The following PWWP3A variants were observed in gnomAD, a reference collection of about 807,000 sequenced individuals.
PWWP3A encodes the protein PWWP domain containing 3A, DNA repair factor, also known as PWWP domain-containing DNA repair factor 3A.
Under a neutral mutation model 79.0 loss-of-function variants are expected in PWWP3A, and 53 were observed. That is an observed-to-expected ratio of 0.67 (90% confidence interval 0.54 to 0.84). PWWP3A has a LOEUF of 0.84. Ranked by LOEUF, PWWP3A falls within the 40% of genes least tolerant of loss-of-function variation. The probability of loss-of-function intolerance (pLI) is 0.00; values close to 1 mark genes in which losing one functional copy is unlikely to be tolerated. For synonymous variants in PWWP3A, 443 were observed against 394.4 expected (o/e 1.12, Z -1.46); for missense variants, 973 against 948.0 (o/e 1.03, Z -0.35).
rs1426088819 is a variant in PWWP3A, at chr19:1,376,684, C to T, written c.*108C>T. ...TCAGGGGGCACGTTTGCGTTTGGAC[C>T]TGTCTGTGCGTTCTCCTGCGTGGCA... On this transcript the variant is annotated 3_prime_UTR_variant, in exon 14 of 14. Coordinates refer to ENST00000591337, the MANE Select transcript of PWWP3A (RefSeq NM_001369789.1). 1.9e-6 allele frequency: 2 copies of T among 1,046,550 alleles called. No individual in the cohort carries two copies. The highest frequency in any genetic ancestry group is 2.9e-6 in the Non-Finnish European group (2 of 689,786). The allele number at this position is 1,046,550 out of a possible 1,614,324, so 64.8% of individuals were successfully genotyped here. A position where few individuals can be genotyped will look rare whatever the true frequency, so the allele number is the denominator to read the frequency against.
In PWWP3A at chr19:1,369,434, G is replaced by A. The variant is rs2082202325; in HGVS notation, c.1498+94G>A. 7.9e-6 allele frequency: 12 copies of A among 1,514,140 alleles called. No individual in the cohort carries two copies. The highest frequency in any genetic ancestry group is 2.3e-5 in the East Asian group (1 of 44,296). 93.8% of individuals were successfully genotyped at this position (1,514,140 alleles called of 1,614,324 possible). On this transcript the variant is annotated intron_variant, in intron 10 of 13. Coordinates refer to ENST00000591337, the MANE Select transcript of PWWP3A (RefSeq NM_001369789.1). This position sits in a 1 kb window ranked among gnomAD's most constrained non-coding sequence, Gnocchi z 4.0. ...GGCTGGGCCGGAGCTGCCTGGAGGC[G>A]GGGCATATTTCCGTGGGCCTGGGGC...
At position 1,360,929 on chromosome 19, in the gene PWWP3A, T is replaced by G; in HGVS notation, c.1008T>G (p.Ser336=). The G allele has an allele frequency of 6.5e-7, 1 of 1,534,106 alleles. No individual in the cohort carries two copies. Among genetic ancestry groups the G allele is most frequent in the Non-Finnish European group, 8.8e-7 (1 of 1,139,464 alleles). The change falls in exon 5 of 14, where the codon TCT becomes TCG. Residue 336 remains serine (S), a synonymous_variant. Transcript: ENST00000591337. This position sits in a 1 kb window ranked among gnomAD's most constrained non-coding sequence, Gnocchi z 4.4. ...SPGPGPGPRE[S]VTPRSTARLG... is the part of the protein sequence containing the mutation. ...GGCCGGGGCCAGGGCCCAGAGAGTC[T>G]GTGACCCCGCGCAGCACCGCCAGGC...
chr19:1,356,254 C>T (rs1432653000), intron 1 of PWWP3A, 70 bp from the exon 2 acceptor site: 5 of 812,206 alleles, frequency 6.2e-6, no homozygotes, highest in Non-Finnish European at 1.0e-5. Flanking sequence ...ACCTTTGCCC[C>T]TGAGGGCTGT....
chr19:1,367,209 CAG>C lies in PWWP3A; in HGVS notation c.1413_1414del (p.Gln471HisfsTer44). On this transcript the variant is annotated frameshift_variant, in exon 9 of 14. Transcript: ENST00000591337. LOFTEE classifies it high-confidence loss of function. Reference sequence around the variant, plus strand: ...AAAGCACTTTGATTGTAAAGAGAAACAGACGCTTCTGGTAGGTGGATGATGTT... The same window carrying C: ...AAAGCACTTTGATTGTAAAGAGAAACACGCTTCTGGTAGGTGGATGATGTT... ...SLKHFDCKEKQTLLNQAREDF... is the reference protein window; with the variant it reads ...SLKHFDCKEKXTLLNQAREDF... 6.2e-7 allele frequency: 1 copy of C among 1,612,870 alleles called. No individual in the cohort carries two copies. The highest frequency in any genetic ancestry group is 8.5e-7 in the Non-Finnish European group (1 of 1,179,446).
Position 1,376,750 on chromosome 19 carries a change from A to G in PWWP3A, c.*174A>G. On this transcript the variant is annotated 3_prime_UTR_variant, in exon 14 of 14. Coordinates refer to ENST00000591337, the MANE Select transcript of PWWP3A (RefSeq NM_001369789.1). ...CTTCTGGAGAATCCATTTCGTTAAC[A>G]CTGAAAGCCAGTTCTCTTTTCCTGG... The G allele has an allele frequency of 2.0e-6, 1 of 507,822 alleles. No individual in the cohort carries two copies. The allele number at this position is 507,822 out of a possible 1,614,324, so 31.5% of individuals were successfully genotyped here.
Position 1,360,669 on chromosome 19 carries a change from T to G in PWWP3A, c.748T>G (p.Trp250Gly). Residue 250 changes from tryptophan to glycine, a missense_variant, in exon 5 of 14, where the codon TGG (tryptophan) becomes GGG (glycine). Transcript: ENST00000591337. This position sits in a 1 kb window ranked among gnomAD's most constrained non-coding sequence, Gnocchi z 4.4. Reference protein sequence around the residue: ...ERDMGSKGGSWAAPSLPSGVR... With the variant: ...ERDMGSKGGSGAAPSLPSGVR... ...AGACATGGGGAGCAAAGGAGGCAGCTGGGCAGCCCCGTCCTTGCCCTCCGG... is the reference window on the plus strand; with the variant it reads ...AGACATGGGGAGCAAAGGAGGCAGCGGGGCAGCCCCGTCCTTGCCCTCCGG... The G allele has an allele frequency of 6.2e-7, 1 of 1,613,138 alleles. No homozygotes were observed. Among genetic ancestry groups the G allele is most frequent in the South Asian group, 1.1e-5 (1 of 90,990 alleles).
chr19:1,369,755 T>G lies in PWWP3A; in HGVS notation c.1549+109T>G, dbSNP rs1002773662. 1.6e-6 allele frequency: 2 copies of G among 1,212,616 alleles called. No homozygotes were observed. Among genetic ancestry groups the G allele is most frequent in the African/African-American group, 1.5e-5 (1 of 67,060 alleles). 75.1% of individuals were successfully genotyped at this position (1,212,616 alleles called of 1,614,324 possible). A position where few individuals can be genotyped will look rare whatever the true frequency, so the allele number is the denominator to read the frequency against. On this transcript the variant is annotated intron_variant, in intron 11 of 13. Coordinates refer to ENST00000591337, the MANE Select transcript of PWWP3A (RefSeq NM_001369789.1). This position sits in a 1 kb window ranked among gnomAD's most constrained non-coding sequence, Gnocchi z 4.0. Reference sequence around the variant, plus strand: ...AGGGGACGTTGGGGTCAAGGCACTGTCCGCAGCCACACAGCATTGTTCAAC... The same window carrying G: ...AGGGGACGTTGGGGTCAAGGCACTGGCCGCAGCCACACAGCATTGTTCAAC...
At chr19:1,376,312 T>TTG (rs1568968974) in intron 13 of PWWP3A, among the ~76,000 whole-genome samples, 1 of 79,674 alleles carries the variant, frequency 1.3e-5, no homozygotes, top group East Asian at 2.4e-4. Flanking sequence ...TTTTTGTTTG[T>TTG]TTTTTTTTTT....
intron 12 of PWWP3A, chr19:1,371,368 C>T: frequency 1.4e-6 from 1 of 703,364 alleles, no homozygotes. Flanking sequence ...TGCGGGCGCA[C>T]AGATGCTTCC....
intron 13 of PWWP3A, among the ~76,000 whole-genome samples, chr19:1,375,148 GGGAGGTGGAGGTTGCAGTGAGCTGAGATT>G (rs2082338137): frequency 6.6e-6 from 1 of 151,048 alleles, no homozygotes; most frequent in South Asian, 2.1e-4. Flanking sequence ...GCTTGAACCC[GGGAGGTGGAGGTTGCAGTGAGCTGAGATT>G]GTGCTACTGC....
At chr19:1,355,723 C>A (rs1304512515) in intron 1 of PWWP3A, among the ~76,000 whole-genome samples, 1 of 151,916 alleles carries the variant, frequency 6.6e-6, no homozygotes, top group East Asian at 1.9e-4. Flanking sequence ...AACGCCACCC[C>A]TACCTCTGCT....
chr19:1,368,370 G>A lies in PWWP3A; in HGVS notation c.1423-895G>A, dbSNP rs985323816. ...GGGTGCCCGCTTCTTCTTCCTAAGA[G>A]TGCGCTCACATCTGCTTGTGAGTCA... On this transcript the variant is annotated intron_variant, in intron 9 of 13. Coordinates refer to ENST00000591337, the MANE Select transcript of PWWP3A (RefSeq NM_001369789.1). This position sits in a 1 kb window ranked among gnomAD's most constrained non-coding sequence, Gnocchi z 4.7. 3.3e-5 allele frequency among the ~76,000 whole-genome samples: 5 copies of A among 152,160 alleles called. No homozygotes were observed. The highest frequency in any genetic ancestry group is 7.4e-5 in the Non-Finnish European group (5 of 68,026).
At chr19:1,370,545 A>C in intron 11 of PWWP3A, 97 bp from the exon 12 acceptor site, 1 of 1,149,896 alleles carries the variant, frequency 8.7e-7, no homozygotes, top group Non-Finnish European at 1.2e-6. Context: ...GTCTGCCCCC[A>C]TCCCTGCCAT....
intron 13 of PWWP3A, among the ~76,000 whole-genome samples, chr19:1,375,390 C>T (rs1259169046): frequency 7.3e-6 from 1 of 136,076 alleles, no homozygotes; most frequent in Non-Finnish European, 1.5e-5. Flanking sequence ...AAACAACTGC[C>T]CTCTCATATA....
At chr19:1,374,430 G>A (rs11881595) in intron 13 of PWWP3A, 23,126 of 152,204 alleles carry the variant, frequency 0.15, 2,029 homozygotes, top group African/African-American at 0.24. Flanking sequence ...CACACTGGGC[G>A]TCCTGGGACC....
Position 1,370,593 on chromosome 19 carries a change from G to A in PWWP3A, c.1550-49G>A, listed in dbSNP as rs187978952. On this transcript the variant is annotated intron_variant, in intron 11 of 13. Coordinates refer to ENST00000591337, the MANE Select transcript of PWWP3A (RefSeq NM_001369789.1). ...CATCGGCCCTGACCCACAGCCACCCGAGGAAGGCAGCCCACGCGCTGGTCC... is the reference window on the plus strand; with the variant it reads ...CATCGGCCCTGACCCACAGCCACCCAAGGAAGGCAGCCCACGCGCTGGTCC... 1.3e-4 allele frequency: 179 copies of A among 1,425,762 alleles called. No homozygotes were observed. The African/African-American group carries it at 2.3e-3, about 18-fold the overall frequency. The allele number at this position is 1,425,762 out of a possible 1,614,324, so 88.3% of individuals were successfully genotyped here. A position where few individuals can be genotyped will look rare whatever the true frequency, so the allele number is the denominator to read the frequency against.
intron 4 of PWWP3A, chr19:1,358,788 T>A (rs2081944509): frequency 1.3e-6 from 1 of 782,264 alleles, no homozygotes; most frequent in Admixed American, 2.2e-5. Context: ...GAGGTCCTCC[T>A]TTTTCCTTTC....
intron 6 of PWWP3A, chr19:1,364,022 T>TA (rs1362151217): frequency 2.5e-6 from 1 of 398,290 alleles, no homozygotes. Context: ...AGTTTCTAGT[T>TA]ATGATTTAAA....
chr19:1,361,594 C>G (rs1342374035), intron 5 of PWWP3A, among the ~76,000 whole-genome samples: 2 of 152,220 alleles, frequency 1.3e-5, no homozygotes, highest in South Asian at 2.1e-4. Context: ...GATCAAATGT[C>G]TGGAAATCTA....
Sources: gnomAD v4.1 joint callset for allele counts (sites outside exome capture counted in the v4.1 genomes callset) on GRCh38, gnomAD v4.1.1 for gene constraint, Gnocchi (gnomAD v3.1) non-coding constraint, MANE v1.5 for transcripts, NCBI Gene and HGNC (gene_info 2026-07-23, HGNC 2026-07-21) for gene names.